KCNIP1: variants seen among roughly 807,000 people sequenced by gnomAD.
KCNIP1 encodes potassium voltage-gated channel interacting protein 1.
KCNIP1 carries 18 observed loss-of-function variants against 33.0 expected under a neutral mutation model. That is an observed-to-expected ratio of 0.55 (90% CI 0.38 to 0.81). KCNIP1 has a LOEUF of 0.81. Among genes scored for constraint, KCNIP1 ranks in the 30% least tolerant of loss-of-function variants. The pLI, the probability that KCNIP1 is intolerant of heterozygous loss-of-function variation, is 0.00. For missense variants in KCNIP1, 238 were observed against 271.6 expected (o/e 0.88, Z 0.87); for synonymous variants, 93 against 98.3 (o/e 0.95, Z 0.32).
chr5:170,630,613 G>A lies in KCNIP1; in HGVS notation c.62-88145G>A, dbSNP rs1760020941. Among the ~76,000 whole-genome samples, 3 of 152,322 alleles carry A rather than the reference G, an allele frequency of 2.0e-5. No individual in the cohort carries two copies. The South Asian group carries it at 6.2e-4, about 32-fold the overall frequency. ...AAACAAAGGAGAGAGAGGATCCTGG[G>A]AAAGAGAAAGGGTACTCTAGGCAGA... On this transcript the variant is annotated intron_variant, in intron 1 of 7. Transcript: ENST00000328939.
intron 1 of KCNIP1, among the ~76,000 whole-genome samples, chr5:170,656,458 C>T (rs1347779603): frequency 1.3e-5 from 2 of 152,196 alleles, no homozygotes; most frequent in African/African-American, 4.8e-5. Context: ...GGACAGAACC[C>T]AGAGAGACAG....
chr5:170,594,073 A>G (rs1293794195), intron 1 of KCNIP1, among the ~76,000 whole-genome samples: 1 of 152,232 alleles, frequency 6.6e-6, no homozygotes, highest in African/African-American at 2.4e-5. Context: ...CCCCCCTCCC[A>G]TGTTATGGGA....
chr5:170,494,757 T>G (rs534565007), intron 1 of KCNIP1, among the ~76,000 whole-genome samples: 2 of 152,258 alleles, frequency 1.3e-5, no homozygotes. Context: ...TACTGCTGTT[T>G]CCTCCCAGTT....
At chr5:170,721,204 G>A (rs1763809533) in intron 3 of KCNIP1, among the ~76,000 whole-genome samples, 2 of 152,186 alleles carry the variant, frequency 1.3e-5, no homozygotes. Flanking sequence ...GCCTTCCTTG[G>A]TGTGTGGGGC....
At chr5:170,356,623 A>C (rs554187711) in intron 1 of KCNIP1, among the ~76,000 whole-genome samples, 1 of 152,302 alleles carries the variant, frequency 6.6e-6, no homozygotes, top group Admixed American at 6.5e-5. Flanking sequence ...CCCTTTAGGA[A>C]CATGTTTGCT....
intron 1 of KCNIP1, among the ~76,000 whole-genome samples, chr5:170,364,456 A>C (rs1763601116): frequency 6.6e-6 from 1 of 152,266 alleles, no homozygotes. Context: ...TAAAAAATGA[A>C]TCATATACGA....
chr5:170,633,708 G>T (rs1760157313), intron 1 of KCNIP1, among the ~76,000 whole-genome samples: 1 of 38,536 alleles, frequency 2.6e-5, no homozygotes, highest in Non-Finnish European at 4.8e-5. Context: ...GAGGGGGCGA[G>T]GGGGCGGGGG....
chr5:170,384,519 G>A (rs961732233), intron 1 of KCNIP1, among the ~76,000 whole-genome samples: 6 of 152,224 alleles, frequency 3.9e-5, no homozygotes, highest in Non-Finnish European at 7.3e-5. Flanking sequence ...CAGCAGGCCC[G>A]GGAGAGGCTA....
At chr5:170,708,026 T>A (rs556595897) in intron 1 of KCNIP1, among the ~76,000 whole-genome samples, 4 of 152,112 alleles carry the variant, frequency 2.6e-5, no homozygotes, top group African/African-American at 9.7e-5. Flanking sequence ...GGGCTCATTG[T>A]TAAGTTTATA....
At chr5:170,498,298 G>A (rs1376515306) in intron 1 of KCNIP1, among the ~76,000 whole-genome samples, 1 of 152,230 alleles carries the variant, frequency 6.6e-6, no homozygotes, top group African/African-American at 2.4e-5. Context: ...TGCTGAGATT[G>A]TTCTCCTTGC....
chr5:170,482,648 T>C (rs971877938), intron 1 of KCNIP1, among the ~76,000 whole-genome samples: 4 of 152,200 alleles, frequency 2.6e-5, no homozygotes, highest in Non-Finnish European at 5.9e-5. Context: ...GACATTCTTA[T>C]GTAATTTGTC....
At chr5:170,368,975 C>T (rs540135600) in intron 1 of KCNIP1, among the ~76,000 whole-genome samples, 1 of 152,264 alleles carries the variant, frequency 6.6e-6, no homozygotes, top group Non-Finnish European at 1.5e-5. Context: ...GAGACAGAGA[C>T]AGAGAGAAAA....
upstream of KCNIP1, among the ~76,000 whole-genome samples, chr5:170,500,984 C>T (rs1757399235): frequency 6.6e-6 from 1 of 152,164 alleles, no homozygotes; most frequent in Admixed American, 6.5e-5. Flanking sequence ...AGAAAAGAGA[C>T]TCACTCATTC....
At position 170,698,769 on chromosome 5, in the gene KCNIP1, T is replaced by C. The variant is rs113114148; in HGVS notation, c.62-19989T>C. On this transcript the variant is annotated intron_variant, in intron 1 of 7. Transcript: ENST00000328939. ...AGATTGTTAGTCATTGTTTAATCTT[T>C]ATTGAGTATATACCGCCACACCAAT... Among the ~76,000 whole-genome samples, 550 of 152,234 alleles carry C rather than the reference T, an allele frequency of 3.6e-3. 2 individuals are homozygous for C. The highest frequency in any genetic ancestry group is 0.012 in the African/African-American group (504 of 41,568).
At chr5:170,419,928 C>T (rs1022941594) in intron 1 of KCNIP1, among the ~76,000 whole-genome samples, 4 of 152,322 alleles carry the variant, frequency 2.6e-5, no homozygotes, top group Non-Finnish European at 5.9e-5. Context: ...TGGTCATTTA[C>T]CAAAGGCCAT....
intron 1 of KCNIP1, among the ~76,000 whole-genome samples, chr5:170,424,557 C>T (rs999463222): frequency 2.0e-5 from 3 of 152,110 alleles, no homozygotes; most frequent in African/African-American, 7.2e-5. Flanking sequence ...CTGCAGAATC[C>T]TTTCGGCTGG....
intron 1 of KCNIP1, among the ~76,000 whole-genome samples, chr5:170,510,871 G>C (rs577952975): frequency 6.6e-6 from 1 of 152,266 alleles, no homozygotes; most frequent in Non-Finnish European, 1.5e-5. Flanking sequence ...CCCTTTCATT[G>C]GTTCATAGCT....
rs1202512386 is a variant in KCNIP1, at chr5:170,489,812, T to C, written c.88+135848T>C. Among the ~76,000 whole-genome samples, 2 of 152,150 alleles carry C rather than the reference T, an allele frequency of 1.3e-5. No homozygotes were observed. Among genetic ancestry groups the C allele is most frequent in the Non-Finnish European group, 2.9e-5 (2 of 68,026 alleles). On this transcript the variant is annotated intron_variant, in intron 1 of 7. Transcript: ENST00000377360. This position sits in a 1 kb window ranked among gnomAD's most constrained non-coding sequence, Gnocchi z 4.3. ...CTATTTCCAGCCTCATGAAGTAAAC[T>C]TAGCCACTGGGTCCCTAGCAAAGAA...
At chr5:170,436,716 A>G (rs1442802501) in intron 1 of KCNIP1, among the ~76,000 whole-genome samples, 1 of 152,186 alleles carries the variant, frequency 6.6e-6, no homozygotes, top group Non-Finnish European at 1.5e-5. Context: ...GTTTTAGCTC[A>G]GACTTCCTGA....
Sources: gnomAD v4.1 joint callset for allele counts (sites outside exome capture counted in the v4.1 genomes callset) on GRCh38, gnomAD v4.1.1 for gene constraint, Gnocchi (gnomAD v3.1) non-coding constraint, MANE v1.5 for transcripts, NCBI Gene and HGNC (gene_info 2026-07-23, HGNC 2026-07-21) for gene names.